The following VEPH1 variants were observed in gnomAD, a reference collection of about 807,000 sequenced individuals.
The protein encoded by VEPH1 is ventricular zone-expressed PH domain-containing protein homolog 1.
Under a neutral mutation model 85.2 loss-of-function variants are expected in VEPH1, and 80 were observed. The observed-to-expected ratio is 0.94, with a 90% confidence interval of 0.78 to 1.13. The LOEUF is 1.13. Ranked by LOEUF, VEPH1 falls within the 50% of genes most tolerant of loss-of-function variation. The probability of loss-of-function intolerance (pLI) is 0.00; values close to 1 mark genes in which losing one functional copy is unlikely to be tolerated. For missense variants in VEPH1, 955 were observed against 980.5 expected, an observed-to-expected ratio of 0.97 and a Z score of 0.35; for synonymous variants, 297 against 348.0, an observed-to-expected ratio of 0.85 and a Z score of 1.63.
At chr3:157,421,755 G>A (rs1302387464) in intron 5 of VEPH1, among the ~76,000 whole-genome samples, 1 of 152,106 alleles carries the variant, frequency 6.6e-6, no homozygotes, top group Non-Finnish European at 1.5e-5. Flanking sequence ...GAAGAGCCGA[G>A]GGAGGCAAGT....
chr3:157,443,762 T>C (rs917379928), intron 4 of VEPH1: 1 of 152,214 alleles, frequency 6.6e-6, no homozygotes, highest in Admixed American at 6.5e-5. Context: ...CTATAAATCA[T>C]AAGCAAGAAA....
At chr3:157,493,146 A>G (rs1034514527) in intron 2 of VEPH1, 11 of 427,390 alleles carry the variant, frequency 2.6e-5, no homozygotes, top group Non-Finnish European at 4.7e-5. Flanking sequence ...ACAATTTACC[A>G]AAGGAAAATT....
chr3:157,344,662 T>C (rs1723991864), intron 9 of VEPH1, among the ~76,000 whole-genome samples: 1 of 152,122 alleles, frequency 6.6e-6, no homozygotes, highest in African/African-American at 2.4e-5. Flanking sequence ...CTTCACAGAA[T>C]TGGAAAAAAC....
At chr3:157,375,200 G>C (rs1209853419) in intron 7 of VEPH1, among the ~76,000 whole-genome samples, 4 of 152,236 alleles carry the variant, frequency 2.6e-5, no homozygotes, top group Non-Finnish European at 4.4e-5. Flanking sequence ...TGTGGTAAGA[G>C]CTGGTTTAAA....
intron 3 of VEPH1, among the ~76,000 whole-genome samples, chr3:157,469,152 C>T (rs1736680161): frequency 6.6e-6 from 1 of 152,294 alleles, no homozygotes. Flanking sequence ...AAGCACTATT[C>T]ATCTTTTGTT....
intron 3 of VEPH1, among the ~76,000 whole-genome samples, chr3:157,461,934 T>C (rs1159201124): frequency 2.0e-5 from 3 of 151,670 alleles, no homozygotes; most frequent in African/African-American, 7.3e-5. Flanking sequence ...AATCAAGAAC[T>C]TCTAGTCATC....
intron 4 of VEPH1, chr3:157,437,959 C>T (rs1733775837): frequency 6.6e-7 from 1 of 1,511,200 alleles, no homozygotes; most frequent in African/African-American, 1.4e-5. Context: ...CGGCTTTGTT[C>T]CGGGAGCGCG....
At chr3:157,294,043 G>C (rs1244764267) in intron 11 of VEPH1, among the ~76,000 whole-genome samples, 1 of 151,986 alleles carries the variant, frequency 6.6e-6, no homozygotes, top group African/African-American at 2.4e-5. Flanking sequence ...ATTGATTACT[G>C]CCACCTACAT....
At chr3:157,395,517 C>G (rs1055374102) in intron 6 of VEPH1, among the ~76,000 whole-genome samples, 1 of 152,132 alleles carries the variant, frequency 6.6e-6, no homozygotes, top group East Asian at 1.9e-4. Context: ...TGTGTGATGA[C>G]AGGAGTGGTT....
chr3:157,437,940 C>T, intron 4 of VEPH1: 2 of 1,527,094 alleles, frequency 1.3e-6, no homozygotes, highest in Non-Finnish European at 1.7e-6. Flanking sequence ...GGGCCGGGAC[C>T]TCCCACTGCG....
At chr3:157,479,997 CTTTCTTTCTT>C (rs751094251) in intron 2 of VEPH1, among the ~76,000 whole-genome samples, 165 of 151,856 alleles carry the variant, frequency 1.1e-3, no homozygotes, top group Non-Finnish European at 1.4e-3. Context: ...CACTTTCTCT[CTTTCTTTCTT>C]TTTCTTTCTT....
At chr3:157,333,204 G>A (rs535757588) in intron 9 of VEPH1, among the ~76,000 whole-genome samples, 11 of 152,232 alleles carry the variant, frequency 7.2e-5, no homozygotes, top group Non-Finnish European at 1.6e-4. Context: ...GATACTTTTA[G>A]TTCTCCAGTG....
chr3:157,439,007 A>G (rs2109210134), intron 4 of VEPH1, among the ~76,000 whole-genome samples: 1 of 152,316 alleles, frequency 6.6e-6, no homozygotes, highest in East Asian at 1.9e-4. Flanking sequence ...ATGTAATGAG[A>G]GCATGTTTCA....
intron 6 of VEPH1, among the ~76,000 whole-genome samples, chr3:157,385,985 C>G (rs1182969223): frequency 1.3e-5 from 2 of 152,120 alleles, no homozygotes; most frequent in East Asian, 3.9e-4. Context: ...ATTGCATTCA[C>G]TATTTTCACC....
At chr3:157,374,473 G>A (rs934256128) in intron 7 of VEPH1, among the ~76,000 whole-genome samples, 1 of 152,132 alleles carries the variant, frequency 6.6e-6, no homozygotes, top group African/African-American at 2.4e-5. Flanking sequence ...CTCTTTGTAC[G>A]AACATGTCTT....
In VEPH1 at chr3:157,399,268, G is replaced by T. The variant is rs368422084; in HGVS notation, c.906+14613C>A. Among the ~76,000 whole-genome samples, 9 of 152,280 alleles carry T rather than the reference G, an allele frequency of 5.9e-5. No individual in the cohort carries two copies. In the East Asian group the frequency reaches 1.5e-3, roughly 26 times the overall value. On this transcript the variant is annotated intron_variant, in intron 6 of 13. Coordinates refer to ENST00000362010, the MANE Select transcript of VEPH1 (RefSeq NM_001167912.2). ...ACCAACTCAATATAAGCAAATGTGA[G>T]CCAGTGTTTTGGTAACTTGCAAAAA...
intron 9 of VEPH1, among the ~76,000 whole-genome samples, chr3:157,356,483 A>G (rs1725446188): frequency 2.6e-5 from 4 of 152,190 alleles, no homozygotes; most frequent in African/African-American, 9.7e-5. Context: ...GTAATTGCCT[A>G]TGATTTTGGA....
chr3:157,409,459 T>G (rs1390497534), intron 6 of VEPH1, among the ~76,000 whole-genome samples: 1 of 152,150 alleles, frequency 6.6e-6, no homozygotes, highest in Non-Finnish European at 1.5e-5. Context: ...AAGTGTTCTG[T>G]GAGTCATTCA....
intron 4 of VEPH1, among the ~76,000 whole-genome samples, chr3:157,455,427 C>CT (rs35417902): frequency 0.64 from 95,999 of 150,300 alleles, 31,040 homozygotes; most frequent in African/African-American, 0.74. Flanking sequence ...CCTTTGCCGC[C>CT]TTTTTTTTTC....
Sources: gnomAD v4.1 joint callset for allele counts (sites outside exome capture counted in the v4.1 genomes callset) on GRCh38, gnomAD v4.1.1 for gene constraint, MANE v1.5 for transcripts, NCBI Gene and HGNC (gene_info 2026-07-23, HGNC 2026-07-21) for gene names.